OPTN: variants seen among roughly 807,000 people sequenced by gnomAD.
OPTN encodes E3-14.7K-interacting protein.
OPTN carries 54 observed loss-of-function variants against 70.4 expected under a neutral mutation model. The ratio of observed to expected loss-of-function variants is 0.77; its 90% CI spans 0.62 to 0.96. OPTN has a LOEUF of 0.96. OPTN is among the 40% of genes least tolerant of loss of function. The probability of loss-of-function intolerance (pLI) is 0.00; values close to 1 mark genes in which losing one functional copy is unlikely to be tolerated. For synonymous variants in OPTN, 256 were observed against 248.5 expected (o/e 1.03, Z -0.28); for missense variants, 624 against 673.2 (o/e 0.93, Z 0.81).
At chr10:13,114,335 T>C (rs1017231966) in intron 5 of OPTN, among the ~76,000 whole-genome samples, 1 of 152,066 alleles carries the variant, frequency 6.6e-6, no homozygotes, top group East Asian at 1.9e-4. Flanking sequence ...TTGAAAAGCG[T>C]ATTTTGCCAG....
intron 4 of OPTN, 100 bp from the exon 5 acceptor site, chr10:13,112,353 C>T: frequency 8.7e-7 from 1 of 1,148,436 alleles, no homozygotes; most frequent in Non-Finnish European, 1.3e-6. Context: ...AAGGGATCCT[C>T]CCACTTCAGC....
At chr10:13,130,811 A>G (rs190955860) in intron 12 of OPTN, among the ~76,000 whole-genome samples, 1 of 152,346 alleles carries the variant, frequency 6.6e-6, no homozygotes, top group African/African-American at 2.4e-5. Flanking sequence ...TTAAATTCCA[A>G]TACCAATGGA....
At chr10:13,129,356 C>CTTT (rs780049166) in intron 12 of OPTN, among the ~76,000 whole-genome samples, 2 of 142,332 alleles carry the variant, frequency 1.4e-5, no homozygotes, top group Admixed American at 7.1e-5. Context: ...AAGCATCAAA[C>CTTT]TTTTTTTTTT....
chr10:13,107,039 A>C (rs944300987), intron 1 of OPTN, among the ~76,000 whole-genome samples: 1 of 152,134 alleles, frequency 6.6e-6, no homozygotes, highest in African/African-American at 2.4e-5. Flanking sequence ...TATAGTGTAC[A>C]TTGGTGCTTA....
chr10:13,132,329 C>A (rs1468654860), intron 13 of OPTN, 132 bp downstream of exon 13: 3 of 805,296 alleles, frequency 3.7e-6, no homozygotes, highest in Non-Finnish European at 4.0e-6. Context: ...GCCTAGGTGA[C>A]AGAGCGAGTC....
chr10:13,125,420 G>A lies in OPTN; in HGVS notation c.1001G>A (p.Cys334Tyr). 1 of 1,614,118 alleles carries A rather than the reference G, an allele frequency of 6.2e-7. No individual in the cohort carries two copies. Among genetic ancestry groups the A allele is most frequent in the Admixed American group, 1.7e-5 (1 of 60,022 alleles). ...CATGAAATCTTGACCTTTCTTAGGT[G>A]TCAGGCCCTTGAAAGGAAAAATTCT... Reference protein sequence around the residue: ...ELMKKRLQEKCQALERKNSAI... With the variant: ...ELMKKRLQEKYQALERKNSAI... The change falls in exon 10 of 15, where the codon TGT becomes TAT. Residue 334 changes from cysteine to tyrosine, a missense_variant and splice_region_variant. Coordinates refer to ENST00000378747, the MANE Select transcript of OPTN (RefSeq NM_001008212.2).
intron 12 of OPTN, among the ~76,000 whole-genome samples, chr10:13,128,313 A>G (rs1833512229): frequency 6.6e-6 from 1 of 152,112 alleles, no homozygotes; most frequent in South Asian, 2.1e-4. Flanking sequence ...CCATCAACAG[A>G]GAGTTTCCAT....
chr10:13,118,923 G>C lies in OPTN; in HGVS notation c.662G>C (p.Gly221Ala), dbSNP rs752951605. Residue 221 changes from glycine to alanine, a missense_variant, in exon 7 of 15, where the codon GGG (glycine) becomes GCG (alanine). Physicochemically the swap from Gly to Ala is moderately conservative, Grantham distance 60. Coordinates refer to ENST00000378747, the MANE Select transcript of OPTN (RefSeq NM_001008212.2). ...AAATATAGGAGCAGATCTGCAGATG[G>C]GGCCAAGAATTACTTCGAACATGAG... Reference protein sequence around the residue: ...LSKYRSRSADGAKNYFEHEEL... With the variant: ...LSKYRSRSADAAKNYFEHEEL... 1 of 1,613,958 alleles carries C rather than the reference G, an allele frequency of 6.2e-7. No individual in the cohort carries two copies. The highest frequency in any genetic ancestry group is 8.5e-7 in the Non-Finnish European group (1 of 1,179,962).
At chr10:13,108,842 G>A (rs946532810) in intron 2 of OPTN, 12 of 413,380 alleles carry the variant, frequency 2.9e-5, no homozygotes, top group African/African-American at 1.0e-4. Context: ...CACCACGCCC[G>A]GCCCTCATTG....
At chr10:13,111,555 A>G (rs769359615) in intron 4 of OPTN, among the ~76,000 whole-genome samples, 70 of 151,920 alleles carry the variant, frequency 4.6e-4, no homozygotes, top group Non-Finnish European at 9.4e-4. Context: ...AAAATTAGCC[A>G]GGCATGGTAG....
intron 2 of OPTN, chr10:13,108,906 G>GCGCA (rs1351095731): frequency 1.8e-6 from 1 of 569,476 alleles, no homozygotes; most frequent in Non-Finnish European, 3.2e-6. Context: ...GCACACATGC[G>GCGCA]CGTGCACACA....
At chr10:13,103,913 T>C (rs76184276) in intron 1 of OPTN, among the ~76,000 whole-genome samples, 2,919 of 152,316 alleles carry the variant, frequency 0.019, 102 homozygotes, top group African/African-American at 0.068. Context: ...CATCATTAAA[T>C]ATCACTTTTG....
chr10:13,111,779 T>G (rs1308240561), intron 4 of OPTN, among the ~76,000 whole-genome samples: 1 of 151,680 alleles, frequency 6.6e-6, no homozygotes, highest in Non-Finnish European at 1.5e-5. Context: ...TCCTTGTCAG[T>G]AGGTGTGGGG....
chr10:13,113,146 C>G (rs1833046531), intron 5 of OPTN, among the ~76,000 whole-genome samples: 1 of 152,110 alleles, frequency 6.6e-6, no homozygotes, highest in Non-Finnish European at 1.5e-5. Flanking sequence ...CTCAACCTCC[C>G]AAGTCGCTGG....
intron 12 of OPTN, among the ~76,000 whole-genome samples, chr10:13,130,131 A>C (rs78648489): frequency 0.012 from 1,803 of 152,160 alleles, 44 homozygotes; most frequent in African/African-American, 0.042. Context: ...GAGCACTTAT[A>C]ATATGTCAGA....
At chr10:13,126,834 C>T (rs1182313931) in intron 11 of OPTN, among the ~76,000 whole-genome samples, 1 of 152,116 alleles carries the variant, frequency 6.6e-6, no homozygotes, top group African/African-American at 2.4e-5. Context: ...CTGAGACCAG[C>T]CTGGGCAACA....
At chr10:13,122,244 T>C (rs1833366377) in intron 7 of OPTN, 141 bp from the exon 8 acceptor site, 1 of 670,294 alleles carries the variant, frequency 1.5e-6, no homozygotes, top group Non-Finnish European at 2.7e-6. Context: ...AATGCTAATA[T>C]AGTGAATGTG....
chr10:13,115,886 T>G (rs748224315), intron 5 of OPTN, among the ~76,000 whole-genome samples: 46 of 152,010 alleles, frequency 3.0e-4, no homozygotes, highest in Middle Eastern at 3.4e-3. Flanking sequence ...TTCTAGCATT[T>G]TGCATTTTAA....
chr10:13,104,828 T>A (rs1375952161), intron 1 of OPTN: 2 of 426,182 alleles, frequency 4.7e-6, no homozygotes, highest in Non-Finnish European at 4.4e-6. Flanking sequence ...AAGGTGGCAT[T>A]CGAGATCTTC....
Sources: allele counts gnomAD v4.1 joint callset (sites outside exome capture counted in the v4.1 genomes callset), GRCh38; gene constraint gnomAD v4.1.1; transcripts MANE v1.5; gene names NCBI Gene and HGNC (gene_info 2026-07-23, HGNC 2026-07-21).